Variants in NOS1AP observed in about 807,000 individuals in gnomAD.
NOS1AP encodes nitric oxide synthase 1 adaptor protein.
In NOS1AP, 21 loss-of-function variants were observed where a neutral mutation model predicts 56.2. The observed-to-expected ratio is 0.37, with a 90% CI of 0.26 to 0.54. NOS1AP has a LOEUF of 0.54. Ranked by LOEUF, NOS1AP falls within the 20% of genes least tolerant of loss-of-function variation. NOS1AP has a pLI of 0.84. For synonymous variants in NOS1AP, 270 were observed against 274.6 expected (o/e 0.98, Z 0.17); for missense variants, 522 against 657.8 (o/e 0.79, Z 2.26).
intron 5 of NOS1AP, 69 bp downstream of exon 5, chr1:162,333,194 C>T (rs1037498274): frequency 2.1e-5 from 22 of 1,056,462 alleles, no homozygotes; most frequent in Admixed American, 1.1e-4. Flanking sequence ...AACATTGGCC[C>T]GTCTCCCTGT....
At chr1:162,124,001 A>G (rs1648366101) in intron 1 of NOS1AP, among the ~76,000 whole-genome samples, 1 of 152,242 alleles carries the variant, frequency 6.6e-6, no homozygotes, top group Non-Finnish European at 1.5e-5. Flanking sequence ...AATATTCTAT[A>G]TAACAAAAAA....
chr1:162,135,366 A>C (rs964143710), intron 1 of NOS1AP, among the ~76,000 whole-genome samples: 1 of 152,218 alleles, frequency 6.6e-6, no homozygotes, highest in African/African-American at 2.4e-5. Context: ...ACTTTCATAT[A>C]CTGCAAGGGG....
intron 3 of NOS1AP, among the ~76,000 whole-genome samples, chr1:162,293,931 T>C (rs1655353435): frequency 2.0e-5 from 3 of 152,200 alleles, no homozygotes; most frequent in Admixed American, 2.0e-4. Flanking sequence ...ATGACTTTTT[T>C]CCCCACATCA....
chr1:162,239,381 A>G lies in NOS1AP; in HGVS notation c.178-47963A>G, dbSNP rs114327603. 1.2e-3 allele frequency among the ~76,000 whole-genome samples: 178 copies of G among 152,344 alleles called. 1 individual carries two copies. Among genetic ancestry groups the G allele is most frequent in the African/African-American group, 4.2e-3 (175 of 41,582 alleles). ...GAATTCCTAAAATTCAGTGGACTGC[A>G]TCAACCAAGGTTTTGGAGCCCTATT... On this transcript the variant is annotated intron_variant, in intron 2 of 9. Coordinates refer to ENST00000361897, the MANE Select transcript of NOS1AP (RefSeq NM_014697.3).
At chr1:162,324,411 C>G (rs1445737920) in intron 4 of NOS1AP, among the ~76,000 whole-genome samples, 1 of 115,700 alleles carries the variant, frequency 8.6e-6, no homozygotes, top group Non-Finnish European at 1.7e-5. Flanking sequence ...GTGAGGGACA[C>G]TAGCCTTTTT....
intron 4 of NOS1AP, among the ~76,000 whole-genome samples, chr1:162,305,704 CAT>C: frequency 6.6e-6 from 1 of 152,208 alleles, no homozygotes; most frequent in African/African-American, 2.4e-5. Flanking sequence ...ATGTGGAAGA[CAT>C]ATTTTTACCC....
intron 8 of NOS1AP, chr1:162,360,788 G>A (rs772219665): frequency 7.5e-5 from 34 of 456,368 alleles, no homozygotes; most frequent in Middle Eastern, 6.7e-4. Flanking sequence ...AGACAGCGGC[G>A]CCTGCCTCTG....
chr1:162,072,105 G>T (rs1691673506), intron 1 of NOS1AP, among the ~76,000 whole-genome samples: 1 of 152,072 alleles, frequency 6.6e-6, no homozygotes, highest in Non-Finnish European at 1.5e-5. Flanking sequence ...TAGATAGATA[G>T]ATAGATAGAA....
At chr1:162,185,533 T>C (rs1176939117) in intron 2 of NOS1AP, among the ~76,000 whole-genome samples, 1 of 152,220 alleles carries the variant, frequency 6.6e-6, no homozygotes, top group African/African-American at 2.4e-5. Context: ...GACTGGAATG[T>C]GAGGAGACTG....
At chr1:162,159,369 G>C (rs906461223) in intron 2 of NOS1AP, among the ~76,000 whole-genome samples, 1 of 152,118 alleles carries the variant, frequency 6.6e-6, no homozygotes, top group Non-Finnish European at 1.5e-5. Context: ...TGTCTCTCTA[G>C]TGCTATTGTT....
chr1:162,073,697 GTGATC>G (rs1237258968), intron 1 of NOS1AP, among the ~76,000 whole-genome samples: 12 of 152,190 alleles, frequency 7.9e-5, no homozygotes, highest in African/African-American at 2.9e-4. Context: ...CCGACTTCAG[GTGATC>G]TGCCTGCCCC....
chr1:162,171,997 G>C (rs1283951750), intron 2 of NOS1AP, among the ~76,000 whole-genome samples: 1 of 152,178 alleles, frequency 6.6e-6, no homozygotes, highest in East Asian at 1.9e-4. Flanking sequence ...CAGCCCCAAG[G>C]TTGGGGCTTC....
At chr1:162,070,332 A>G (rs372408951) in intron 1 of NOS1AP, 50 bp downstream of exon 1, 69 of 1,487,114 alleles carry the variant, frequency 4.6e-5, no homozygotes, top group Non-Finnish European at 6.3e-5. Context: ...TTGGGGGGGC[A>G]TGTTTGAGCG....
At chr1:162,256,632 A>T (rs1654039854) in intron 2 of NOS1AP, among the ~76,000 whole-genome samples, 1 of 152,214 alleles carries the variant, frequency 6.6e-6, no homozygotes, top group South Asian at 2.1e-4. Flanking sequence ...AAATCCATGT[A>T]ATTTGTTAAT....
At chr1:162,102,493 A>G (rs1024877688) in intron 1 of NOS1AP, among the ~76,000 whole-genome samples, 4 of 152,064 alleles carry the variant, frequency 2.6e-5, no homozygotes, top group East Asian at 1.9e-4. Flanking sequence ...CTCCTTTTCA[A>G]TTGTTTGGAA....
intron 2 of NOS1AP, among the ~76,000 whole-genome samples, chr1:162,163,842 A>G (rs1370130937): frequency 1.3e-5 from 2 of 152,242 alleles, no homozygotes; most frequent in East Asian, 3.8e-4. Flanking sequence ...TACTGAATAC[A>G]TAATGAAAAA....
chr1:162,200,571 T>C (rs1031888906), intron 2 of NOS1AP, among the ~76,000 whole-genome samples: 1 of 152,198 alleles, frequency 6.6e-6, no homozygotes, highest in East Asian at 1.9e-4. Flanking sequence ...TCAGGACTTC[T>C]GTTGCAGTCT....
At chr1:162,183,293 G>A (rs1267062774) in intron 2 of NOS1AP, among the ~76,000 whole-genome samples, 2 of 152,210 alleles carry the variant, frequency 1.3e-5, no homozygotes, top group Non-Finnish European at 2.9e-5. Context: ...AGTAAACCAT[G>A]CTGTAAAGAG....
At chr1:162,272,024 A>AT (rs35021270) in intron 2 of NOS1AP, among the ~76,000 whole-genome samples, 31 of 151,272 alleles carry the variant, frequency 2.0e-4, no homozygotes, top group African/African-American at 6.5e-4. Flanking sequence ...CTGCCAGCTA[A>AT]TTTTTTTTTG....
Sources: gnomAD v4.1 joint callset for allele counts (sites outside exome capture counted in the v4.1 genomes callset) on GRCh38, gnomAD v4.1.1 for gene constraint, MANE v1.5 for transcripts, NCBI Gene and HGNC (gene_info 2026-07-23, HGNC 2026-07-21) for gene names.